Variants in R3HCC1L observed in about 807,000 individuals in gnomAD.
The protein encoded by R3HCC1L is R3H domain and coiled-coil containing 1 like, also known as coiled-coil domain-containing protein R3HCC1L.
R3HCC1L carries 51 observed loss-of-function variants against 59.9 expected under a neutral mutation model. The ratio of observed to expected loss-of-function variants is 0.85; its 90% confidence interval spans 0.68 to 1.07. R3HCC1L has a LOEUF of 1.07. Ranked by LOEUF, R3HCC1L falls within the 50% of genes least tolerant of loss-of-function variation. R3HCC1L has a pLI of 0.00. For missense variants in R3HCC1L, 965 were observed against 933.0 expected, an observed-to-expected ratio of 1.03 and a Z score of -0.45; for synonymous variants, 322 against 315.2, an observed-to-expected ratio of 1.02 and a Z score of -0.23.
In R3HCC1L at chr10:98,139,619, CA is replaced by C. The variant is rs1844937530; in HGVS notation, c.-268+4914del. ...GAACTCCTAAGAGCTTATTGAATTACAGAGAAATTCCAGTTGTCAAAGCATT... is the reference window on the plus strand; with the variant it reads ...GAACTCCTAAGAGCTTATTGAATTACGAGAAATTCCAGTTGTCAAAGCATT... On this transcript the variant is annotated intron_variant, in intron 1 of 9. Coordinates refer to ENST00000298999, the MANE Select transcript of R3HCC1L (RefSeq NM_001351015.2). 2.0e-5 allele frequency among the ~76,000 whole-genome samples: 3 copies of C among 152,186 alleles called. No homozygotes were observed. The South Asian group carries it at 6.2e-4, about 32-fold the overall frequency.
chr10:98,222,612 G>A (rs1386526692), intron 5 of R3HCC1L, among the ~76,000 whole-genome samples: 1 of 152,030 alleles, frequency 6.6e-6, no homozygotes, highest in African/African-American at 2.4e-5. Context: ...TTTGTCAAAG[G>A]CTTTTTCTGC....
intron 5 of R3HCC1L, chr10:98,231,147 A>T (rs1305481135): frequency 6.1e-6 from 2 of 327,124 alleles, no homozygotes; most frequent in African/African-American, 4.3e-5. Context: ...TAAAACAAAT[A>T]TTATTAATTA....
chr10:98,209,970 A>T, intron 5 of R3HCC1L, 71 bp downstream of exon 5: 1 of 1,185,728 alleles, frequency 8.4e-7, no homozygotes, highest in East Asian at 2.4e-5. Context: ...ATTTTGATAG[A>T]CAGTGATGCA....
chr10:98,231,447 A>G (rs937851494), intron 5 of R3HCC1L, 65 bp from the exon 6 acceptor site: 40 of 1,393,994 alleles, frequency 2.9e-5, no homozygotes, highest in Non-Finnish European at 3.8e-5. Context: ...GTTTATATAT[A>G]GGAATATATT....
intron 4 of R3HCC1L, among the ~76,000 whole-genome samples, chr10:98,178,380 T>C (rs1849264331): frequency 1.3e-5 from 2 of 151,988 alleles, no homozygotes; most frequent in South Asian, 2.1e-4. Context: ...GTTGTAGATA[T>C]TGGTATTATT....
chr10:98,175,922 ATT>A (rs1848968207), intron 4 of R3HCC1L, among the ~76,000 whole-genome samples: 1 of 152,194 alleles, frequency 6.6e-6, no homozygotes, highest in Non-Finnish European at 1.5e-5. Flanking sequence ...GTAGGTTTAC[ATT>A]TAGATCTGTG....
intron 5 of R3HCC1L, among the ~76,000 whole-genome samples, chr10:98,222,614 T>C (rs1219562474): frequency 1.3e-5 from 2 of 152,160 alleles, no homozygotes; most frequent in Non-Finnish European, 1.5e-5. Flanking sequence ...TGTCAAAGGC[T>C]TTTTCTGCAT....
intron 5 of R3HCC1L, among the ~76,000 whole-genome samples, chr10:98,218,493 CT>C (rs754547323): frequency 6.6e-6 from 1 of 152,108 alleles, no homozygotes; most frequent in Non-Finnish European, 1.5e-5. Flanking sequence ...TTAAAAAAAA[CT>C]TTTGTTTCAT....
In R3HCC1L at chr10:98,209,019, A is replaced by G; in HGVS notation, c.905A>G (p.Gln302Arg). The change falls in exon 5 of 10, where the codon CAA (glutamine) becomes CGA (arginine). Residue 302 changes from glutamine (Q) to arginine (R), a missense_variant. Transcript: ENST00000298999. ...IANSTGFILD[Q>R]KDTDSIPATM... ...AATAGTACAGGTTTCATCTTAGATC[A>G]AAAAGATACAGATTCCATTCCTGCA... 5 of 1,613,932 alleles carry G rather than the reference A, an allele frequency of 3.1e-6. No individual in the cohort carries two copies. The South Asian group carries it at 3.3e-5, about 11-fold the overall frequency.
chr10:98,223,489 A>G (rs548467016), intron 5 of R3HCC1L, among the ~76,000 whole-genome samples: 8 of 151,870 alleles, frequency 5.3e-5, no homozygotes, highest in Admixed American at 5.3e-4. Context: ...CATCTAGTAT[A>G]ATAGTCACTT....
chr10:98,188,585 T>C (rs1850487803), intron 4 of R3HCC1L, among the ~76,000 whole-genome samples: 1 of 152,198 alleles, frequency 6.6e-6, no homozygotes, highest in African/African-American at 2.4e-5. Flanking sequence ...TCCTTTGGCT[T>C]TTCATTTCTG....
chr10:98,142,657 G>T (rs561788761), intron 1 of R3HCC1L, among the ~76,000 whole-genome samples: 1 of 150,362 alleles, frequency 6.7e-6, no homozygotes, highest in Non-Finnish European at 1.5e-5. Flanking sequence ...AAAGTAGGCC[G>T]GGTACGGTGG....
At chr10:98,144,575 A>G (rs1044277744) in intron 1 of R3HCC1L, among the ~76,000 whole-genome samples, 2 of 152,182 alleles carry the variant, frequency 1.3e-5, no homozygotes, top group African/African-American at 4.8e-5. Context: ...TGGGGTTCAA[A>G]TTCTGGCTTT....
intron 4 of R3HCC1L, among the ~76,000 whole-genome samples, chr10:98,164,110 C>T (rs1847709254): frequency 6.6e-6 from 1 of 152,044 alleles, no homozygotes; most frequent in African/African-American, 2.4e-5. Context: ...TAGGGGTAAC[C>T]AGAGGGTTGG....
intron 4 of R3HCC1L, among the ~76,000 whole-genome samples, chr10:98,177,039 A>T (rs964515112): frequency 6.6e-6 from 1 of 151,934 alleles, no homozygotes; most frequent in African/African-American, 2.4e-5. Flanking sequence ...TTTATTAATT[A>T]ATTTATTATA....
intron 4 of R3HCC1L, among the ~76,000 whole-genome samples, chr10:98,174,067 G>A (rs1183436763): frequency 6.6e-6 from 1 of 152,154 alleles, no homozygotes. Flanking sequence ...TGCTATACTT[G>A]TAGTATATTC....
intron 2 of R3HCC1L, among the ~76,000 whole-genome samples, chr10:98,158,681 A>G (rs1847115668): frequency 1.3e-5 from 2 of 152,204 alleles, no homozygotes; most frequent in African/African-American, 2.4e-5. Flanking sequence ...ACCTACAGAC[A>G]TTCAGATTTT....
chr10:98,143,928 T>C (rs1372917798), intron 1 of R3HCC1L, among the ~76,000 whole-genome samples: 1 of 152,158 alleles, frequency 6.6e-6, no homozygotes, highest in African/African-American at 2.4e-5. Flanking sequence ...CCCTATTCTG[T>C]TTTCTGTGTG....
intron 1 of R3HCC1L, among the ~76,000 whole-genome samples, chr10:98,139,816 T>C (rs1268377851): frequency 6.6e-6 from 1 of 152,154 alleles, no homozygotes; most frequent in Non-Finnish European, 1.5e-5. Flanking sequence ...AATTCACCCT[T>C]CAGTTTTATT....
Sources: allele counts gnomAD v4.1 joint callset (sites outside exome capture counted in the v4.1 genomes callset), GRCh38; gene constraint gnomAD v4.1.1; transcripts MANE v1.5; gene names NCBI Gene and HGNC (gene_info 2026-07-23, HGNC 2026-07-21).